H2BW1: variants seen among roughly 807,000 people sequenced by gnomAD.
H2BW1 encodes the protein histone H2B type W-T.
In H2BW1, 9 loss-of-function variants were observed where a neutral mutation model predicts 8.0. The ratio of observed to expected loss-of-function variants is 1.13; its 90% CI spans 0.68 to 1.97. The LOEUF is 1.97. Ranked by LOEUF, H2BW1 falls within the 30% of genes most tolerant of loss-of-function variation. The pLI is 0.00. For synonymous variants in H2BW1, 58 were observed against 54.7 expected, an observed-to-expected ratio of 1.06 and a Z score of -0.26; for missense variants, 137 against 132.0, an observed-to-expected ratio of 1.04 and a Z score of -0.19.
Position 104,011,267 on chromosome X carries a change from A to G in H2BW1, c.*219T>C, listed in dbSNP as rs1463948042. On this transcript the variant is annotated 3_prime_UTR_variant, in exon 3 of 3. Coordinates refer to ENST00000217926, the MANE Select transcript of H2BW1 (RefSeq NM_001002916.5). ...AGATGCGGTGTTTTAGACAAGGTAC[A>G]CAGCTCTGTCTCTGGAAAGGAACAG... 2 of 112,244 alleles carry G rather than the reference A, an allele frequency of 1.8e-5. No homozygotes were observed. Among genetic ancestry groups the G allele is most frequent in the African/African-American group, 6.5e-5 (2 of 30,842 alleles). The allele number at this position is 112,244 out of a possible 1,213,427, so 9.3% of individuals were successfully genotyped here. A position where few individuals can be genotyped will look rare whatever the true frequency, so the allele number is the denominator to read the frequency against.
chrX:104,012,775 G>A, intron 1 of H2BW1, 27 bp from the exon 2 acceptor site: 1 of 1,211,247 alleles, frequency 8.3e-7, no homozygotes, highest in Non-Finnish European at 1.1e-6. Flanking sequence ...TCCAGTCACA[G>A]GAGAATGAGA....
In H2BW1 at chrX:104,013,686, C is replaced by A; in HGVS notation, c.-110G>T. On this transcript the variant is annotated 5_prime_UTR_variant, in exon 1 of 3. Coordinates refer to ENST00000217926, the MANE Select transcript of H2BW1 (RefSeq NM_001002916.5). ...GGCTCCACGTCTCGGGCCAGCTTCA[C>A]GTCTGATTGGATGAAGTGTCACGCA... 1 of 1,183,031 alleles carries A rather than the reference C, an allele frequency of 8.5e-7. No individual in the cohort carries two copies. The highest frequency in any genetic ancestry group is 1.1e-6 in the Non-Finnish European group (1 of 880,406).
intron 1 of H2BW1, 95 bp from the exon 2 acceptor site, chrX:104,012,843 ATAAC>A: frequency 8.8e-7 from 1 of 1,133,316 alleles, no homozygotes; most frequent in African/African-American, 1.8e-5. Context: ...GCCTAGAAAC[ATAAC>A]TAACAAAAAT....
chrX:104,011,822 T>C (rs1264622446), intron 2 of H2BW1, among the ~76,000 whole-genome samples: 1 of 112,050 alleles, frequency 8.9e-6, no homozygotes, highest in Non-Finnish European at 1.9e-5. Context: ...AGGTTGTTTA[T>C]GAGATGTTTC....
Position 104,013,296 on chromosome X carries a change from C to T in H2BW1, c.281G>A (p.Gly94Asp). 1 of 1,211,959 alleles carries T rather than the reference C, an allele frequency of 8.3e-7. No individual in the cohort carries two copies. The highest frequency in any genetic ancestry group is 1.1e-6 in the Non-Finnish European group (1 of 895,598). The stretch of plus-strand genomic sequence containing the variant: ...GCGCTTGGTGGAGCGGGCCAGGTGA[C>T]CAGCCTCGGTGGCGATGCGGTCCAA... Reference protein sequence around the residue: ...DILDRIATEAGHLARSTKRQT... With the variant: ...DILDRIATEADHLARSTKRQT... The change falls in exon 1 of 3, where the codon GGT becomes GAT. Residue 94 changes from glycine (G) to aspartate (D), a missense_variant. Physicochemically the swap from Gly to Asp is moderately conservative, Grantham distance 94. Coordinates refer to ENST00000217926, the MANE Select transcript of H2BW1 (RefSeq NM_001002916.5).
At chrX:104,011,503 T>G (rs1311233740) in intron 2 of H2BW1, 40 bp from the exon 3 acceptor site, 7 of 112,060 alleles carry the variant, frequency 6.2e-5, no homozygotes, top group Non-Finnish European at 1.3e-4. Context: ...TGAGGGGACT[T>G]CTTGGCCCTA....
At position 104,013,452 on chromosome X, in the gene H2BW1, C is replaced by A; in HGVS notation, c.125G>T (p.Arg42Leu). ...KQRKRGRHGP[R>L]RCHSNCRGDS... ...CCCGCGGCAGTTGGAGTGGCACCTGCGGGGCCCATGGCGCCCTCGCTTCCT... is the reference window on the plus strand; with the variant it reads ...CCCGCGGCAGTTGGAGTGGCACCTGAGGGGCCCATGGCGCCCTCGCTTCCT... Residue 42 changes from arginine (R) to leucine (L), a missense_variant, in exon 1 of 3, where the codon CGC (arginine) becomes CTC (leucine). By Grantham distance (102) the Arg-to-Leu change is moderately radical (BLOSUM62 -2). Coordinates refer to ENST00000217926, the MANE Select transcript of H2BW1 (RefSeq NM_001002916.5). The A allele has an allele frequency of 8.3e-7, 1 of 1,212,117 alleles. No individual in the cohort carries two copies. Among genetic ancestry groups the A allele is most frequent in the Non-Finnish European group, 1.1e-6 (1 of 895,562 alleles).
rs1556337867 is a variant in H2BW1, at chrX:104,013,608, C to A, written c.-32G>T. On this transcript the variant is annotated 5_prime_UTR_variant, in exon 1 of 3. Transcript: ENST00000217926. ...GGCAGTGGCCATTAGATGGCACGAC[C>A]AGACAATGGCGGTTGTGGACCGGGG... 1.7e-6 allele frequency: 2 copies of A among 1,210,659 alleles called. No homozygotes were observed. The highest frequency in any genetic ancestry group is 3.5e-5 in the South Asian group (2 of 56,616).
rs374841129 is a variant in H2BW1, at chrX:104,013,629, C to A, written c.-53G>T. On this transcript the variant is annotated 5_prime_UTR_variant, in exon 1 of 3. Transcript: ENST00000217926. Reference sequence around the variant, plus strand: ...CGACCAGACAATGGCGGTTGTGGACCGGGGAAGCCGGGGCACTTCGGTACG... The same window carrying A: ...CGACCAGACAATGGCGGTTGTGGACAGGGGAAGCCGGGGCACTTCGGTACG... 4 of 1,205,232 alleles carry A rather than the reference C, an allele frequency of 3.3e-6. No individual in the cohort carries two copies. Among genetic ancestry groups the A allele is most frequent in the Non-Finnish European group, 3.4e-6 (3 of 892,090 alleles).
chrX:104,013,579 C>A lies in H2BW1; in HGVS notation c.-3G>T, dbSNP rs141291756. The A allele has an allele frequency of 4.1e-6, 5 of 1,211,508 alleles. No individual in the cohort carries two copies. Among genetic ancestry groups the A allele is most frequent in the Non-Finnish European group, 5.6e-6 (5 of 895,376 alleles). The stretch of plus-strand genomic sequence containing the variant: ...GTCTCAGAGGAAGGTCCAGCCATGG[C>A]GGAGGCAGTGGCCATTAGATGGCAC... On this transcript the variant is annotated 5_prime_UTR_variant, in exon 1 of 3. Coordinates refer to ENST00000217926, the MANE Select transcript of H2BW1 (RefSeq NM_001002916.5).
intron 2 of H2BW1, 90 bp downstream of exon 2, chrX:104,012,600 T>C (rs1395783571): frequency 1.0e-5 from 12 of 1,143,863 alleles, no homozygotes; most frequent in Admixed American, 7.7e-5. Flanking sequence ...AAAATTTTAT[T>C]TAGCTGTATG....
chrX:104,013,167 T>C lies in H2BW1; in HGVS notation c.407+3A>G. ...TGAGGGAGCGCACTTGCTCCTGGTG[T>C]ACCTGAGGACAGCCTTCGTGCCTTC... On this transcript the variant is annotated splice_donor_region_variant and intron_variant, in intron 1 of 2. Transcript: ENST00000217926. The C allele has an allele frequency of 8.3e-7, 1 of 1,198,751 alleles. No homozygotes were observed. The highest frequency in any genetic ancestry group is 1.1e-6 in the Non-Finnish European group (1 of 888,351).
chrX:104,013,021 C>A, intron 1 of H2BW1, 149 bp downstream of exon 1: 1 of 863,256 alleles, frequency 1.2e-6, no homozygotes, highest in South Asian at 2.5e-5. Context: ...CCCCCCAAGT[C>A]GGAAGGGCAC....
chrX:104,011,232 T>C lies in H2BW1; in HGVS notation c.*254A>G, dbSNP rs2075125822. 1 of 112,323 alleles carries C rather than the reference T, an allele frequency of 8.9e-6. No individual in the cohort carries two copies. The highest frequency in any genetic ancestry group is 3.7e-4 in the South Asian group (1 of 2,719). 9.3% of individuals were successfully genotyped at this position (112,323 alleles called of 1,213,427 possible). ...AACAATTAGCATAATGAGAAATAAGTCACTGAGTGAGATGCGGTGTTTTAG... is the reference window on the plus strand; with the variant it reads ...AACAATTAGCATAATGAGAAATAAGCCACTGAGTGAGATGCGGTGTTTTAG... On this transcript the variant is annotated 3_prime_UTR_variant, in exon 3 of 3. Coordinates refer to ENST00000217926, the MANE Select transcript of H2BW1 (RefSeq NM_001002916.5).
In H2BW1 at chrX:104,013,310, G is replaced by A. The variant is rs202117127; in HGVS notation, c.267C>T (p.Ile89=). The change falls in exon 1 of 3, where the codon ATC becomes ATT. Residue 89 remains isoleucine, a synonymous_variant. Transcript: ENST00000217926. The part of the protein sequence containing the change: ...DSLVHDILDR[I]ATEAGHLARS... ...GGGCCAGGTGACCAGCCTCGGTGGC[G>A]ATGCGGTCCAATATGTCATGAACCA... is the stretch of plus-strand genomic sequence containing the variant. 3.3e-6 allele frequency: 4 copies of A among 1,210,497 alleles called. No individual in the cohort carries two copies. The highest frequency in any genetic ancestry group is 3.0e-5 in the East Asian group (1 of 33,753).
intron 1 of H2BW1, 32 bp from the exon 2 acceptor site, chrX:104,012,780 A>G (rs781862970): frequency 5.8e-6 from 7 of 1,210,911 alleles, no homozygotes; most frequent in Non-Finnish European, 7.8e-6. Context: ...TCACAGGAGA[A>G]TGAGACAGAA....
intron 1 of H2BW1, among the ~76,000 whole-genome samples, 172 bp from the exon 2 acceptor site, chrX:104,012,920 A>G (rs1198264584): frequency 1.8e-5 from 2 of 112,567 alleles, no homozygotes; most frequent in Non-Finnish European, 1.9e-5. Flanking sequence ...TTTTCCTTGG[A>G]GCAAACTGCA....
chrX:104,012,825 T>C lies in H2BW1; in HGVS notation c.408-77A>G. The C allele has an allele frequency of 1.3e-5, 15 of 1,168,816 alleles. No individual in the cohort carries two copies. In the South Asian group the frequency reaches 2.4e-4, roughly 19 times the overall value. On this transcript the variant is annotated intron_variant, in intron 1 of 2. Transcript: ENST00000217926. Reference sequence around the variant, plus strand: ...GATCAGTGCAGTAATAATATCACCATATAGATAGCCTAGAAACATAACTAA... The same window carrying C: ...GATCAGTGCAGTAATAATATCACCACATAGATAGCCTAGAAACATAACTAA...
At chrX:104,013,054 T>G (rs1262642876) in intron 1 of H2BW1, 116 bp downstream of exon 1, 10 of 1,026,390 alleles carry the variant, frequency 9.7e-6, no homozygotes, top group Middle Eastern at 3.4e-4. Flanking sequence ...CCTCCGGTGG[T>G]GTCCCCCTTG....
Sources: gnomAD v4.1 joint callset for allele counts (sites outside exome capture counted in the v4.1 genomes callset) on GRCh38, gnomAD v4.1.1 for gene constraint, MANE v1.5 for transcripts, NCBI Gene and HGNC (gene_info 2026-07-23, HGNC 2026-07-21) for gene names.